PTPRU: variants seen among roughly 807,000 people sequenced by gnomAD.
The protein encoded by PTPRU is protein tyrosine phosphatase receptor type U, also known as receptor-type tyrosine-protein phosphatase U.
A neutral mutation model predicts 166.3 loss-of-function variants in PTPRU; 69 were observed. The ratio of observed to expected loss-of-function variants is 0.41; its 90% CI spans 0.34 to 0.51. PTPRU has a LOEUF of 0.51. PTPRU is among the 20% of genes least tolerant of loss of function. The probability of loss-of-function intolerance (pLI) is 0.09; values close to 1 mark genes in which losing one functional copy is unlikely to be tolerated. For synonymous variants in PTPRU, 793 were observed against 814.0 expected, an observed-to-expected ratio of 0.97 and a Z score of 0.44; for missense variants, 1,657 against 2,013.7, an observed-to-expected ratio of 0.82 and a Z score of 3.39.
At chr1:29,301,250 C>T (rs1291281817) in intron 15 of PTPRU, among the ~76,000 whole-genome samples, 3 of 152,150 alleles carry the variant, frequency 2.0e-5, no homozygotes, top group Non-Finnish European at 2.9e-5. Context: ...CAATGGACCA[C>T]GTATACCATG....
chr1:29,318,768 T>C (rs1016888056), intron 25 of PTPRU, among the ~76,000 whole-genome samples: 1 of 152,292 alleles, frequency 6.6e-6, no homozygotes, highest in South Asian at 2.1e-4. Flanking sequence ...GTGCACACTT[T>C]CCAAGGGTAG....
At chr1:29,293,741 T>A (rs1169090604) in intron 15 of PTPRU, among the ~76,000 whole-genome samples, 1 of 152,362 alleles carries the variant, frequency 6.6e-6, no homozygotes, top group East Asian at 1.9e-4. Flanking sequence ...CCCAAAGTGC[T>A]GGGATTACAG....
At position 29,312,557 on chromosome 1, in the gene PTPRU, C is replaced by A; in HGVS notation, c.3078C>A (p.Gly1026=). The change falls in exon 22 of 30, where the codon GGC becomes GGA. Residue 1026 remains glycine, a synonymous_variant. Coordinates refer to ENST00000373779, the MANE Select transcript of PTPRU (RefSeq NM_133178.4). ...VVRTFALERR[G]YSARHEVRQF... ...TATTCCCATTGTCTCCCCAGAGAGGCTACTCTGCCCGGCACGAGGTCCGCC... is the reference window on the plus strand; with the variant it reads ...TATTCCCATTGTCTCCCCAGAGAGGATACTCTGCCCGGCACGAGGTCCGCC... 1 of 1,585,988 alleles carries A rather than the reference C, an allele frequency of 6.3e-7. No individual in the cohort carries two copies. Among genetic ancestry groups the A allele is most frequent in the South Asian group, 1.1e-5 (1 of 89,760 alleles).
chr1:29,266,251 G>T (rs1281043644), intron 7 of PTPRU, among the ~76,000 whole-genome samples: 1 of 151,522 alleles, frequency 6.6e-6, no homozygotes, highest in East Asian at 1.9e-4. Context: ...TAGGTGATCC[G>T]GCCTCCCAAA....
At chr1:29,243,043 G>A (rs111693602) in intron 1 of PTPRU, among the ~76,000 whole-genome samples, 3,619 of 152,110 alleles carry the variant, frequency 0.024, 58 homozygotes, top group Middle Eastern at 0.078. Flanking sequence ...GACTACAGGC[G>A]CGTGCCACCA....
chr1:29,308,533 C>T (rs1219823121), intron 18 of PTPRU, among the ~76,000 whole-genome samples: 3 of 127,430 alleles, frequency 2.4e-5, no homozygotes, highest in Non-Finnish European at 4.6e-5. Context: ...TGCCATTGCA[C>T]TCCAGACTGA....
At chr1:29,284,613 T>C in intron 13 of PTPRU, 118 bp from the exon 14 acceptor site, 1 of 1,399,516 alleles carries the variant, frequency 7.1e-7, no homozygotes, top group Non-Finnish European at 1.0e-6. Flanking sequence ...AGGACACACA[T>C]TGAGGATGTA....
At chr1:29,261,167 C>T (rs1467156093) in intron 7 of PTPRU, among the ~76,000 whole-genome samples, 1 of 152,174 alleles carries the variant, frequency 6.6e-6, no homozygotes, top group Non-Finnish European at 1.5e-5. Flanking sequence ...GTGCTCTTGT[C>T]GTACCCATTT....
intron 1 of PTPRU, among the ~76,000 whole-genome samples, chr1:29,241,469 C>T (rs10915243): frequency 0.67 from 101,885 of 151,772 alleles, 36,053 homozygotes; most frequent in Non-Finnish European, 0.79. Flanking sequence ...CCCAAGTGTC[C>T]GGGTATCTGA....
Position 29,260,771 on chromosome 1 carries a change from A to G in PTPRU, c.1012A>G (p.Ser338Gly). 3 of 1,613,460 alleles carry G rather than the reference A, an allele frequency of 1.9e-6. No homozygotes were observed. The highest frequency in any genetic ancestry group is 2.5e-6 in the Non-Finnish European group (3 of 1,179,702). Reference sequence around the variant, plus strand: ...GCCCTGGGCTGAGGTGCACGCCGTCAGCCTGCAGACCTACAAGCTGTGGCA... The same window carrying G: ...GCCCTGGGCTGAGGTGCACGCCGTCGGCCTGCAGACCTACAAGCTGTGGCA... ...RGPWAEVHAV[S>G]LQTYKLWHLD... is the part of the protein sequence containing the mutation. Residue 338 changes from serine (S) to glycine (G), a missense_variant, in exon 7 of 30, where the codon AGC becomes GGC. Physicochemically the swap from Ser to Gly is moderately conservative, Grantham distance 56. Transcript: ENST00000373779. This position sits in a 1 kb window ranked among gnomAD's most constrained non-coding sequence, Gnocchi z 8.3.
At chr1:29,290,718 T>C (rs944607934) in intron 14 of PTPRU, among the ~76,000 whole-genome samples, 5 of 152,234 alleles carry the variant, frequency 3.3e-5, no homozygotes, top group African/African-American at 4.8e-5. Context: ...GACAGGCAGC[T>C]CTCCCTGCTG....
intron 1 of PTPRU, among the ~76,000 whole-genome samples, chr1:29,243,148 C>T (rs10915244): frequency 3.3e-5 from 5 of 152,100 alleles, no homozygotes; most frequent in South Asian, 4.2e-4. Context: ...CTGCCTGACT[C>T]GGCCTCCCAA....
At position 29,320,503 on chromosome 1, in the gene PTPRU, C is replaced by G. The variant is rs1367055672; in HGVS notation, c.3688-182C>G. 1.7e-6 allele frequency: 1 copy of G among 593,686 alleles called. No homozygotes were observed. The highest frequency in any genetic ancestry group is 2.6e-6 in the Non-Finnish European group (1 of 382,800). 36.8% of individuals were successfully genotyped at this position (593,686 alleles called of 1,614,324 possible). A position where few individuals can be genotyped will look rare whatever the true frequency, so the allele number is the denominator to read the frequency against. ...TGGTCCCCAGAGGCCTGGGCCCACC[C>G]TGTCAACCCAGGCCTCAGTGTGCCA... On this transcript the variant is annotated intron_variant, in intron 25 of 29. Transcript: ENST00000373779. This position sits in a 1 kb window ranked among gnomAD's most constrained non-coding sequence, Gnocchi z 5.2.
intron 21 of PTPRU, 98 bp from the exon 22 acceptor site, chr1:29,312,454 A>G: frequency 8.6e-7 from 1 of 1,158,750 alleles, no homozygotes; most frequent in Non-Finnish European, 1.2e-6. Context: ...TTGAGATTAT[A>G]CAATGAGATG....
chr1:29,320,611 A>T lies in PTPRU; in HGVS notation c.3688-74A>T. On this transcript the variant is annotated intron_variant, in intron 25 of 29. Transcript: ENST00000373779. The surrounding 1 kb of genome is among the most constrained non-coding windows in gnomAD (Gnocchi z 5.2). ...AACTCAGGGTGGGCAGTGCGGGAAG[A>T]CAGCCTGGGGCAGAGGCTCAGCCCA... The T allele has an allele frequency of 6.9e-7, 1 of 1,446,324 alleles. No individual in the cohort carries two copies. Among genetic ancestry groups the T allele is most frequent in the Non-Finnish European group, 9.2e-7 (1 of 1,084,790 alleles). 89.6% of individuals were successfully genotyped at this position (1,446,324 alleles called of 1,614,324 possible).
chr1:29,276,856 T>C (rs1685828096), intron 8 of PTPRU, among the ~76,000 whole-genome samples: 1 of 152,218 alleles, frequency 6.6e-6, no homozygotes, highest in African/African-American at 2.4e-5. Flanking sequence ...CCTTTTGAGA[T>C]AGAAGTTTCT....
Position 29,315,222 on chromosome 1 carries a change from C to T in PTPRU, c.3228-150C>T. 1.1e-6 allele frequency: 1 copy of T among 935,842 alleles called. No individual in the cohort carries two copies. The highest frequency in any genetic ancestry group is 1.6e-6 in the Non-Finnish European group (1 of 626,056). The allele number at this position is 935,842 out of a possible 1,614,324, so 58.0% of individuals were successfully genotyped here. A position where few individuals can be genotyped will look rare whatever the true frequency, so the allele number is the denominator to read the frequency against. ...AGCTCTTCCATCCAGCAGCCTGCGT[C>T]CTGGCTCCTTACTCGGGGAGGGGCA... On this transcript the variant is annotated intron_variant, in intron 22 of 29. Transcript: ENST00000373779. This position sits in a 1 kb window ranked among gnomAD's most constrained non-coding sequence, Gnocchi z 4.5.
In PTPRU at chr1:29,315,137, C is replaced by T. The variant is rs748310040; in HGVS notation, c.3228-235C>T. Among the ~76,000 whole-genome samples, 5 of 152,118 alleles carry T rather than the reference C, an allele frequency of 3.3e-5. No individual in the cohort carries two copies. The highest frequency in any genetic ancestry group is 5.9e-5 in the Non-Finnish European group (4 of 68,026). On this transcript the variant is annotated intron_variant, in intron 22 of 29. Transcript: ENST00000373779. This position sits in a 1 kb window ranked among gnomAD's most constrained non-coding sequence, Gnocchi z 4.5. Reference sequence around the variant, plus strand: ...AGTGTCACCTTTGCATTCTCCCCACCCTCTCTCCTCTCCTTCCCTGAGGCC... The same window carrying T: ...AGTGTCACCTTTGCATTCTCCCCACTCTCTCTCCTCTCCTTCCCTGAGGCC...
At chr1:29,296,652 G>A (rs978141830) in intron 15 of PTPRU, among the ~76,000 whole-genome samples, 1 of 151,072 alleles carries the variant, frequency 6.6e-6, no homozygotes, top group Non-Finnish European at 1.5e-5. Flanking sequence ...GGGATGACAG[G>A]TGCCCACTGT....
Sources: gnomAD v4.1 joint callset for allele counts (sites outside exome capture counted in the v4.1 genomes callset) on GRCh38, gnomAD v4.1.1 for gene constraint, Gnocchi (gnomAD v3.1) non-coding constraint, MANE v1.5 for transcripts, NCBI Gene and HGNC (gene_info 2026-07-23, HGNC 2026-07-21) for gene names.